RMP64: variants seen among roughly 807,000 people sequenced by gnomAD.
RMP64 encodes the protein nucleolus and neural progenitor protein.
At chr3:113,013,451 GTTTTT>G in the RMP64 span, 1 of 1,260,880 alleles carries the variant, frequency 7.9e-7, no homozygotes, top group Non-Finnish European at 1.1e-6. Flanking sequence ...AAAAAAAAGG[GTTTTT>G]TTTTTGTTTT....
At chr3:113,017,633 A>G in the RMP64 span, 1 of 1,588,870 alleles carries the variant, frequency 6.3e-7, no homozygotes, top group Non-Finnish European at 8.6e-7. Context: ...AAGATTTAGT[A>G]TGTATTTCTA....
chr3:113,013,423 G>A, the RMP64 span: 1 of 1,418,536 alleles, frequency 7.0e-7, no homozygotes, highest in Non-Finnish European at 9.5e-7. Context: ...AATAGAAAAA[G>A]TACATTACTT....
chr3:113,017,142 G>A, the RMP64 span, among the ~76,000 whole-genome samples: 1 of 152,142 alleles, frequency 6.6e-6, no homozygotes, highest in Non-Finnish European at 1.5e-5. Context: ...TTATCTTTGA[G>A]CTGGGCAAAG....
chr3:113,010,428 C>A, the RMP64 span: 1 of 516,330 alleles, frequency 1.9e-6, no homozygotes, highest in Non-Finnish European at 3.4e-6. Flanking sequence ...GAAACTCCTA[C>A]TAAAATATTT....
the RMP64 span, among the ~76,000 whole-genome samples, chr3:113,012,339 C>T: frequency 4.6e-5 from 7 of 152,176 alleles, no homozygotes; most frequent in African/African-American, 1.4e-4. Context: ...TCATTTTAAA[C>T]GGCCTGTTGC....
the RMP64 span, among the ~76,000 whole-genome samples, chr3:113,006,472 A>G: frequency 6.6e-6 from 1 of 152,244 alleles, no homozygotes; most frequent in East Asian, 1.9e-4. Context: ...TTATAAAACA[A>G]TATGAAGACA....
At chr3:113,012,330 C>T in the RMP64 span, among the ~76,000 whole-genome samples, 1 of 152,202 alleles carries the variant, frequency 6.6e-6, no homozygotes, top group African/African-American at 2.4e-5. Context: ...GGATTAGCAT[C>T]ATTTTAAACG....
At chr3:113,004,685 C>G in the RMP64 span, 2 of 152,344 alleles carry the variant, frequency 1.3e-5, no homozygotes, top group South Asian at 4.1e-4. Flanking sequence ...CTCAGAGCAA[C>G]AGTACGAGCA....
At chr3:113,008,793 G>C in the RMP64 span, 1 of 182,206 alleles carries the variant, frequency 5.5e-6, no homozygotes, top group Non-Finnish European at 1.2e-5. Flanking sequence ...ACCAGGACAG[G>C]TCCCATCTGC....
At chr3:113,011,081 G>A in the RMP64 span, 1 of 1,606,612 alleles carries the variant, frequency 6.2e-7, no homozygotes, top group South Asian at 1.1e-5. Context: ...GGCTGTCCAA[G>A]ATCCACATTA....
the RMP64 span, chr3:113,019,201 G>A: frequency 1.6e-5 from 5 of 314,370 alleles, no homozygotes; most frequent in Non-Finnish European, 2.4e-5. Flanking sequence ...ACAAGACTCC[G>A]AAGACCCGGG....
At chr3:113,012,028 T>C in the RMP64 span, among the ~76,000 whole-genome samples, 8,020 of 152,254 alleles carry the variant, frequency 0.053, 506 homozygotes, top group East Asian at 0.19. Flanking sequence ...ATATTAGAAC[T>C]AATAATCTTA....
At chr3:113,008,541 T>A in the RMP64 span, 1 of 911,246 alleles carries the variant, frequency 1.1e-6, no homozygotes, top group Non-Finnish European at 1.7e-6. Context: ...GAATTATCAG[T>A]CCCTAAATGC....
the RMP64 span, chr3:113,019,489 C>A: frequency 2.0e-6 from 3 of 1,468,318 alleles, no homozygotes; most frequent in Non-Finnish European, 2.8e-6. Context: ...CCGGCTGGGC[C>A]TGGCGGCCTC....
the RMP64 span, among the ~76,000 whole-genome samples, chr3:113,007,751 C>A: frequency 9.9e-5 from 15 of 152,198 alleles, no homozygotes; most frequent in Non-Finnish European, 1.8e-4. Flanking sequence ...TCATGGAAGG[C>A]AGGCACCTTC....
At chr3:113,007,304 CT>C in the RMP64 span, among the ~76,000 whole-genome samples, 8 of 151,746 alleles carry the variant, frequency 5.3e-5, no homozygotes, top group East Asian at 7.7e-4. Flanking sequence ...TCACTGTATA[CT>C]TTTTTTTTTC....
the RMP64 span, chr3:113,014,175 T>C: frequency 5.1e-6 from 3 of 585,114 alleles, no homozygotes; most frequent in East Asian, 6.0e-5. Context: ...TTTTTCAGGG[T>C]AGAGAAATCC....
At chr3:113,016,392 T>C in the RMP64 span, among the ~76,000 whole-genome samples, 3 of 151,888 alleles carry the variant, frequency 2.0e-5, no homozygotes, top group Admixed American at 2.0e-4. Context: ...GGGGACCAGA[T>C]GCAGAGGAAG....
chr3:113,010,737 C>T, the RMP64 span: 1 of 1,526,082 alleles, frequency 6.6e-7, no homozygotes, highest in Non-Finnish European at 9.1e-7. Context: ...GATACAAAAC[C>T]TTAGGCATAC....
Sources: allele counts gnomAD v4.1 joint callset (sites outside exome capture counted in the v4.1 genomes callset), GRCh38; gene constraint gnomAD v4.1.1; transcripts MANE v1.5; gene names NCBI Gene and HGNC (gene_info 2026-07-23, HGNC 2026-07-21).